The following KIF2A variants were observed in gnomAD, a reference collection of about 807,000 sequenced individuals.
The protein encoded by KIF2A is kinesin-like protein KIF2A.
A neutral mutation model predicts 100.2 loss-of-function variants in KIF2A; 22 were observed. The observed-to-expected ratio is 0.22, with a 90% CI of 0.16 to 0.31. The LOEUF (loss-of-function observed/expected upper bound fraction) is 0.31, where lower values mean the gene tolerates loss of function less well. Ranked by LOEUF, KIF2A falls within the 10% of genes least tolerant of loss-of-function variation. The probability of loss-of-function intolerance (pLI) is 1.00; values close to 1 mark genes in which losing one functional copy is unlikely to be tolerated. For missense variants in KIF2A, 495 were observed against 898.7 expected (o/e 0.55, Z 5.74); for synonymous variants, 268 against 285.9 (o/e 0.94, Z 0.63).
intron 1 of KIF2A, among the ~76,000 whole-genome samples, chr5:62,333,314 G>A (rs1359103215): frequency 6.6e-6 from 1 of 152,202 alleles, no homozygotes; most frequent in African/African-American, 2.4e-5. Flanking sequence ...GGGTTTGCCT[G>A]TACTTTCCAA....
chr5:62,364,997 G>A (rs1489260031), intron 14 of KIF2A, among the ~76,000 whole-genome samples: 1 of 152,178 alleles, frequency 6.6e-6, no homozygotes, highest in Non-Finnish European at 1.5e-5. Flanking sequence ...GGAGGCTGGG[G>A]TAGGAGAATC....
chr5:62,327,246 A>T (rs1169029661), intron 1 of KIF2A, among the ~76,000 whole-genome samples: 39 of 152,156 alleles, frequency 2.6e-4, no homozygotes, highest in Non-Finnish European at 1.5e-5. Context: ...GTCTTAAAAA[A>T]TACTGTCTGT....
chr5:62,322,934 T>TAAAA (rs200112197), intron 1 of KIF2A, among the ~76,000 whole-genome samples: 39 of 98,002 alleles, frequency 4.0e-4, no homozygotes, highest in Middle Eastern at 7.5e-3. Context: ...TTCAATTTAG[T>TAAAA]AAAAAAAAAA....
At chr5:62,371,404 T>G (rs1423708664) in intron 16 of KIF2A, among the ~76,000 whole-genome samples, 4 of 152,242 alleles carry the variant, frequency 2.6e-5, no homozygotes, top group Non-Finnish European at 5.9e-5. Flanking sequence ...ACATATTAGT[T>G]TGATTTATAT....
At chr5:62,321,223 A>C (rs1175532805) in intron 1 of KIF2A, among the ~76,000 whole-genome samples, 1 of 152,150 alleles carries the variant, frequency 6.6e-6, no homozygotes, top group Admixed American at 6.5e-5. Flanking sequence ...TTCATATACA[A>C]GTTTTTGTGT....
At chr5:62,357,952 T>A (rs1414403251) in intron 8 of KIF2A, among the ~76,000 whole-genome samples, 185 bp from the exon 9 acceptor site, 2 of 152,226 alleles carry the variant, frequency 1.3e-5, no homozygotes, top group African/African-American at 4.8e-5. Flanking sequence ...CACAGAAATC[T>A]TGATTTTGTT....
At chr5:62,358,508 T>G (rs547613825) in intron 9 of KIF2A, among the ~76,000 whole-genome samples, 36 of 152,318 alleles carry the variant, frequency 2.4e-4, no homozygotes, top group African/African-American at 8.4e-4. Flanking sequence ...TCCATTACTA[T>G]TTGCTAATTA....
At chr5:62,313,768 A>G (rs929231822) in intron 1 of KIF2A, among the ~76,000 whole-genome samples, 8 of 152,022 alleles carry the variant, frequency 5.3e-5, no homozygotes, top group African/African-American at 1.7e-4. Flanking sequence ...TTGAGTTATA[A>G]GTTTATAACT....
chr5:62,313,805 A>AT (rs1288176217), intron 1 of KIF2A, among the ~76,000 whole-genome samples: 5 of 149,804 alleles, frequency 3.3e-5, no homozygotes, highest in South Asian at 4.2e-4. Flanking sequence ...ATCAAAAGGA[A>AT]TTTTTTTTTA....
intron 1 of KIF2A, among the ~76,000 whole-genome samples, chr5:62,317,358 T>C (rs1745869125): frequency 6.6e-6 from 1 of 152,192 alleles, no homozygotes; most frequent in Non-Finnish European, 1.5e-5. Flanking sequence ...ACCTATAAGA[T>C]TTTTAAGAAA....
At chr5:62,353,405 T>G in intron 6 of KIF2A, 30 bp downstream of exon 6, 3 of 1,157,666 alleles carry the variant, frequency 2.6e-6, no homozygotes, top group Non-Finnish European at 2.4e-6. Context: ...ATTTTGTTTA[T>G]GTACCAACCA....
In KIF2A at chr5:62,362,434, A is replaced by G. The variant is rs115737020; in HGVS notation, c.1028-16A>G. On this transcript the variant is annotated splice_polypyrimidine_tract_variant and intron_variant, in intron 11 of 20. Transcript: ENST00000407818. Reference sequence around the variant, plus strand: ...TTTGTTGGATCTCAATTTTCTGTATATGAAATTTTTGACAGCTCGAGATGT... The same window carrying G: ...TTTGTTGGATCTCAATTTTCTGTATGTGAAATTTTTGACAGCTCGAGATGT... The G allele has an allele frequency of 3.2e-3, 4,164 of 1,285,874 alleles. 116 individuals carry two copies. In the African/African-American group the frequency reaches 0.059, roughly 18 times the overall value. 79.7% of individuals were successfully genotyped at this position (1,285,874 alleles called of 1,614,324 possible). A position where few individuals can be genotyped will look rare whatever the true frequency, so the allele number is the denominator to read the frequency against.
chr5:62,328,677 G>C (rs1419861009), intron 1 of KIF2A, among the ~76,000 whole-genome samples: 1 of 151,972 alleles, frequency 6.6e-6, no homozygotes, highest in Non-Finnish European at 1.5e-5. Context: ...TTTTAGTAGA[G>C]ACGGGGTTTC....
intron 18 of KIF2A, among the ~76,000 whole-genome samples, chr5:62,376,797 G>C (rs374802070): frequency 6.6e-6 from 1 of 152,002 alleles, no homozygotes; most frequent in Non-Finnish European, 1.5e-5. Flanking sequence ...AATCAGAGAA[G>C]CTCTGACTTG....
At chr5:62,352,835 C>A in intron 5 of KIF2A, 125 bp downstream of exon 5, 1 of 707,634 alleles carries the variant, frequency 1.4e-6, no homozygotes, top group Non-Finnish European at 2.1e-6. Context: ...TTTCATTTTA[C>A]CACTGTGGAA....
chr5:62,371,214 A>G (rs375754011), intron 16 of KIF2A, among the ~76,000 whole-genome samples: 39 of 152,322 alleles, frequency 2.6e-4, no homozygotes, highest in African/African-American at 9.1e-4. Flanking sequence ...TGACTGAGCC[A>G]CTGCAGTATA....
intron 1 of KIF2A, among the ~76,000 whole-genome samples, chr5:62,308,770 G>T (rs1020084075): frequency 6.6e-6 from 1 of 152,134 alleles, no homozygotes; most frequent in African/African-American, 2.4e-5. Flanking sequence ...TGGTGGTGGG[G>T]AAGGAGAGGA....
chr5:62,330,324 C>T (rs1746569233), intron 1 of KIF2A, among the ~76,000 whole-genome samples: 1 of 152,028 alleles, frequency 6.6e-6, no homozygotes, highest in South Asian at 2.1e-4. Flanking sequence ...CAACTCCAGC[C>T]TGGGCGAGAG....
chr5:62,319,366 T>G (rs966638677), intron 1 of KIF2A, among the ~76,000 whole-genome samples: 4 of 152,168 alleles, frequency 2.6e-5, no homozygotes, highest in African/African-American at 9.7e-5. Flanking sequence ...CTAACCTGCC[T>G]CTTCAGTCTT....
Sources: gnomAD v4.1 joint callset for allele counts (sites outside exome capture counted in the v4.1 genomes callset) on GRCh38, gnomAD v4.1.1 for gene constraint, MANE v1.5 for transcripts, NCBI Gene and HGNC (gene_info 2026-07-23, HGNC 2026-07-21) for gene names.